Variants in RPH3A observed in about 807,000 individuals in gnomAD.
RPH3A encodes the protein rabphilin 3A, also known as rabphilin-3A.
In RPH3A, 48 loss-of-function variants were observed where a neutral mutation model predicts 102.2. The observed-to-expected ratio is 0.47, with a 90% CI of 0.37 to 0.60. The LOEUF (loss-of-function observed/expected upper bound fraction) is 0.60, where lower values mean the gene tolerates loss of function less well. Among genes scored for constraint, RPH3A ranks in the 20% least tolerant of loss-of-function variants. The pLI, the probability that RPH3A is intolerant of heterozygous loss-of-function variation, is 0.00. For missense variants in RPH3A, 781 were observed against 910.1 expected, an observed-to-expected ratio of 0.86 and a Z score of 1.83; for synonymous variants, 310 against 324.3, an observed-to-expected ratio of 0.96 and a Z score of 0.47.
At chr12:112,826,513 C>G (rs1015421562) in intron 2 of RPH3A, among the ~76,000 whole-genome samples, 2 of 152,078 alleles carry the variant, frequency 1.3e-5, no homozygotes, top group Non-Finnish European at 2.9e-5. Context: ...GATGTATATA[C>G]CTGGTTAGTG....
chr12:112,633,159 T>C (rs1359878903), intron 1 of RPH3A, among the ~76,000 whole-genome samples: 1 of 152,118 alleles, frequency 6.6e-6, no homozygotes, highest in Non-Finnish European at 1.5e-5. Flanking sequence ...ATGATCATGC[T>C]GCTGCACTCT....
chr12:112,581,008 G>T (rs976594294), intron 1 of RPH3A, among the ~76,000 whole-genome samples: 5 of 152,162 alleles, frequency 3.3e-5, no homozygotes, highest in Admixed American at 2.0e-4. Context: ...CTTCGTGAGT[G>T]CTCTAATAGA....
chr12:112,876,883 G>A lies in RPH3A; in HGVS notation c.1171+17G>A. On this transcript the variant is annotated intron_variant, in intron 13 of 21. Coordinates refer to ENST00000389385, the MANE Select transcript of RPH3A (RefSeq NM_001143854.2). ...ATGAAGCAAGTAGGTGGTGCCTAAG[G>A]GAGAGGTATCTTGGAAAAATCACTT... The A allele has an allele frequency of 6.4e-7, 1 of 1,555,928 alleles. No homozygotes were observed.
intron 5 of RPH3A, among the ~76,000 whole-genome samples, chr12:112,864,514 CAGAG>C (rs1021798733): frequency 1.0e-4 from 15 of 149,478 alleles, no homozygotes; most frequent in Non-Finnish European, 1.5e-4. Context: ...GTGTATGCAA[CAGAG>C]AGAGACAGAG....
intron 3 of RPH3A, among the ~76,000 whole-genome samples, chr12:112,829,934 A>T (rs1193784159): frequency 6.6e-6 from 1 of 152,258 alleles, no homozygotes; most frequent in Non-Finnish European, 1.5e-5. Context: ...TGTTAAAGTC[A>T]TATGAGCACT....
At chr12:112,836,542 A>G in intron 4 of RPH3A, 40 bp downstream of exon 4, 1 of 1,092,734 alleles carries the variant, frequency 9.2e-7, no homozygotes, top group South Asian at 1.6e-5. Context: ...TTTTTTACAA[A>G]CTGTATTTTA....
intron 16 of RPH3A, among the ~76,000 whole-genome samples, chr12:112,884,111 G>C (rs2042968322): frequency 6.6e-6 from 1 of 152,030 alleles, no homozygotes; most frequent in Non-Finnish European, 1.5e-5. Flanking sequence ...AACTGCCTCA[G>C]AATATTCCAC....
At chr12:112,824,287 A>T (rs1250470552) in intron 2 of RPH3A, among the ~76,000 whole-genome samples, 1 of 152,026 alleles carries the variant, frequency 6.6e-6, no homozygotes, top group Non-Finnish European at 1.5e-5. Flanking sequence ...TTCATTAGCC[A>T]TTGGCTTTGT....
At chr12:112,711,256 T>C (rs764981097) in intron 1 of RPH3A, among the ~76,000 whole-genome samples, 2 of 152,164 alleles carry the variant, frequency 1.3e-5, no homozygotes, top group Non-Finnish European at 2.9e-5. Flanking sequence ...TCTAATAAGC[T>C]CCCGGAGTGT....
At chr12:112,872,160 A>G (rs554388872) in intron 10 of RPH3A, among the ~76,000 whole-genome samples, 10 of 152,178 alleles carry the variant, frequency 6.6e-5, no homozygotes, top group Non-Finnish European at 1.5e-4. Flanking sequence ...ATTCCCACCA[A>G]CAATGCAAAA....
At chr12:112,813,345 G>T (rs1218990063) in intron 2 of RPH3A, 1 of 152,250 alleles carries the variant, frequency 6.6e-6, no homozygotes, top group African/African-American at 2.4e-5. Context: ...AGAAGAGGAA[G>T]ATTGTGGTCC....
chr12:112,789,863 G>A (rs908453829), upstream of RPH3A, among the ~76,000 whole-genome samples: 14 of 142,474 alleles, frequency 9.8e-5, no homozygotes, highest in East Asian at 4.1e-4. Flanking sequence ...ACCAGCTGGG[G>A]CAATATAGTG....
intron 1 of RPH3A, among the ~76,000 whole-genome samples, chr12:112,593,169 T>G (rs1416282334): frequency 6.6e-6 from 1 of 152,130 alleles, no homozygotes; most frequent in Non-Finnish European, 1.5e-5. Context: ...TCTCTGCTCA[T>G]GTGAGGATAC....
chr12:112,782,235 G>A (rs548052722), intron 1 of RPH3A, among the ~76,000 whole-genome samples: 22 of 152,354 alleles, frequency 1.4e-4, no homozygotes, highest in African/African-American at 5.3e-4. Context: ...ACCTGCTAAT[G>A]CATGAGGCTC....
intron 1 of RPH3A, among the ~76,000 whole-genome samples, chr12:112,592,783 G>A (rs969330523): frequency 8.5e-5 from 13 of 152,268 alleles, no homozygotes; most frequent in African/African-American, 3.1e-4. Flanking sequence ...GGTGGTCCCG[G>A]CACTTCTCCA....
intron 1 of RPH3A, among the ~76,000 whole-genome samples, chr12:112,706,567 A>G (rs1004871706): frequency 2.0e-5 from 3 of 152,346 alleles, no homozygotes; most frequent in Non-Finnish European, 2.9e-5. Context: ...TCAACAAATG[A>G]GAATGGCTTT....
intron 1 of RPH3A, among the ~76,000 whole-genome samples, chr12:112,730,561 G>A (rs117482557): frequency 0.013 from 2,054 of 152,268 alleles, 42 homozygotes; most frequent in South Asian, 0.064. Context: ...CAAGGCCAGC[G>A]CATCCAGCAT....
intron 1 of RPH3A, among the ~76,000 whole-genome samples, chr12:112,601,748 A>G (rs1173848580): frequency 1.3e-5 from 2 of 152,108 alleles, no homozygotes; most frequent in Admixed American, 6.6e-5. Flanking sequence ...CCTGGGCAAC[A>G]TGGCAAAACC....
At chr12:112,803,548 A>G (rs1361334985) in intron 2 of RPH3A, among the ~76,000 whole-genome samples, 3 of 151,566 alleles carry the variant, frequency 2.0e-5, no homozygotes, top group Non-Finnish European at 4.4e-5. Flanking sequence ...TACAGAAGAT[A>G]AGGAGGCCTC....
Sources: gnomAD v4.1 joint callset for allele counts (sites outside exome capture counted in the v4.1 genomes callset) on GRCh38, gnomAD v4.1.1 for gene constraint, MANE v1.5 for transcripts, NCBI Gene and HGNC (gene_info 2026-07-23, HGNC 2026-07-21) for gene names.